GRIK1: variants seen among roughly 807,000 people sequenced by gnomAD.
GRIK1 encodes glutamate receptor ionotropic, kainate 1.
Under a neutral mutation model 105.7 loss-of-function variants are expected in GRIK1, and 69 were observed. The ratio of observed to expected loss-of-function variants is 0.65; its 90% CI spans 0.54 to 0.80. The LOEUF (loss-of-function observed/expected upper bound fraction) is 0.80. Ranked by LOEUF, GRIK1 falls within the 30% of genes least tolerant of loss-of-function variation. The pLI, the probability that GRIK1 is intolerant of heterozygous loss-of-function variation, is 0.00. For synonymous variants in GRIK1, 438 were observed against 431.3 expected (o/e 1.02, Z -0.19); for missense variants, 1,109 against 1,167.3 (o/e 0.95, Z 0.73).
chr21:29,597,847 C>A (rs1011945107), intron 8 of GRIK1, among the ~76,000 whole-genome samples: 3 of 151,658 alleles, frequency 2.0e-5, no homozygotes, highest in African/African-American at 7.3e-5. Context: ...GTAGTTAGCA[C>A]CTGCAAAAAA....
intron 1 of GRIK1, among the ~76,000 whole-genome samples, chr21:29,926,988 C>T (rs1191967551): frequency 6.6e-6 from 1 of 151,944 alleles, no homozygotes; most frequent in Non-Finnish European, 1.5e-5. Context: ...TCAATCTGAC[C>T]GAGAGGAATA....
chr21:29,866,634 A>G (rs989718472), intron 1 of GRIK1, among the ~76,000 whole-genome samples: 55 of 152,224 alleles, frequency 3.6e-4, no homozygotes, highest in Admixed American at 3.3e-3. Flanking sequence ...TGAAAACAAA[A>G]GAAGTGGGGA....
intron 1 of GRIK1, among the ~76,000 whole-genome samples, chr21:29,868,385 T>G (rs1344213035): frequency 6.6e-6 from 1 of 152,150 alleles, no homozygotes; most frequent in Non-Finnish European, 1.5e-5. Flanking sequence ...CAAACAAACC[T>G]CTGTCTTTTC....
intron 7 of GRIK1, among the ~76,000 whole-genome samples, chr21:29,623,292 AC>A (rs1234239747): frequency 6.6e-6 from 1 of 152,092 alleles, no homozygotes; most frequent in East Asian, 1.9e-4. Flanking sequence ...CATGGGAAAG[AC>A]CCACCCTCAT....
chr21:29,550,086 C>A (rs1443795671), intron 16 of GRIK1, among the ~76,000 whole-genome samples: 2 of 109,504 alleles, frequency 1.8e-5, no homozygotes, highest in African/African-American at 6.9e-5. Flanking sequence ...CCAGCCTGGG[C>A]GACAGAGAAA....
At chr21:29,827,706 G>C (rs11909420) in intron 1 of GRIK1, among the ~76,000 whole-genome samples, 16,924 of 152,092 alleles carry the variant, frequency 0.11, 1,010 homozygotes, top group Admixed American at 0.16. Context: ...TAGAAAGGGG[G>C]AATGAAAGAA....
intron 1 of GRIK1, among the ~76,000 whole-genome samples, chr21:29,865,553 A>G (rs1433804745): frequency 6.6e-6 from 1 of 152,182 alleles, no homozygotes; most frequent in East Asian, 1.9e-4. Context: ...AATGAAGACA[A>G]GCAGATTTCA....
At chr21:29,620,846 A>G (rs1174692048) in intron 7 of GRIK1, among the ~76,000 whole-genome samples, 10 of 144,880 alleles carry the variant, frequency 6.9e-5, no homozygotes, top group African/African-American at 1.0e-4. Flanking sequence ...GTCATAAAAT[A>G]TATATCATAT....
intron 7 of GRIK1, among the ~76,000 whole-genome samples, chr21:29,633,807 A>G (rs1054747890): frequency 7.9e-5 from 12 of 152,176 alleles, no homozygotes; most frequent in African/African-American, 2.9e-4. Flanking sequence ...CTAGCTAGGG[A>G]TGCTGAAGAA....
chr21:29,660,086 C>G (rs764364199), intron 4 of GRIK1, among the ~76,000 whole-genome samples: 1 of 152,228 alleles, frequency 6.6e-6, no homozygotes, highest in Admixed American at 6.5e-5. Context: ...TCCTGGGACA[C>G]AGTCATTGCT....
chr21:29,900,506 T>TA (rs2070360119), intron 1 of GRIK1, among the ~76,000 whole-genome samples: 1 of 138,236 alleles, frequency 7.2e-6, no homozygotes, highest in African/African-American at 2.8e-5. Flanking sequence ...TGGTCTCTGA[T>TA]AAAACAGACT....
At chr21:29,639,407 G>C (rs2062464007) in intron 7 of GRIK1, among the ~76,000 whole-genome samples, 1 of 152,204 alleles carries the variant, frequency 6.6e-6, no homozygotes, top group Admixed American at 6.5e-5. Context: ...GCCTACATCT[G>C]TGAGTCAGGG....
At chr21:29,774,208 A>C (rs2065885082) in intron 1 of GRIK1, among the ~76,000 whole-genome samples, 1 of 152,198 alleles carries the variant, frequency 6.6e-6, no homozygotes. Context: ...AACAGAAAGC[A>C]CTTTTGTCCC....
At chr21:29,867,817 A>AAAGC (rs1291259189) in intron 1 of GRIK1, among the ~76,000 whole-genome samples, 1 of 150,412 alleles carries the variant, frequency 6.6e-6, no homozygotes, top group Non-Finnish European at 1.5e-5. Context: ...AGAAAGAAAG[A>AAAGC]ATGAAAGAAA....
In GRIK1 at chr21:29,537,193, A is replaced by C. The variant is rs1350171278; in HGVS notation, c.*37T>G. 16 of 1,480,928 alleles carry C rather than the reference A, an allele frequency of 1.1e-5. No homozygotes were observed. Among genetic ancestry groups the C allele is most frequent in the African/African-American group, 1.4e-5 (1 of 70,134 alleles). 91.7% of individuals were successfully genotyped at this position (1,480,928 alleles called of 1,614,324 possible). A position where few individuals can be genotyped will look rare whatever the true frequency, so the allele number is the denominator to read the frequency against. On this transcript the variant is annotated 3_prime_UTR_variant, in exon 18 of 18. Coordinates refer to ENST00000327783, the MANE Select transcript of GRIK1 (RefSeq NM_001330994.2). ...ATCCTTTCTCCAAAAATCTGTAGGGAATGCATCCTTTTTCTTCCTACAGGC... is the reference window on the plus strand; with the variant it reads ...ATCCTTTCTCCAAAAATCTGTAGGGCATGCATCCTTTTTCTTCCTACAGGC...
chr21:29,791,902 A>G (rs2066429023), intron 1 of GRIK1, among the ~76,000 whole-genome samples: 1 of 152,242 alleles, frequency 6.6e-6, no homozygotes, highest in South Asian at 2.1e-4. Flanking sequence ...TACTATAAAT[A>G]TAACAAATAT....
At chr21:29,737,223 G>T in intron 1 of GRIK1, among the ~76,000 whole-genome samples, 1 of 152,158 alleles carries the variant, frequency 6.6e-6, no homozygotes, top group Admixed American at 6.5e-5. Context: ...CGAGACTCTG[G>T]CCTGGGCAGT....
intron 1 of GRIK1, among the ~76,000 whole-genome samples, chr21:29,785,990 G>C (rs1322607044): frequency 1.3e-5 from 2 of 152,156 alleles, no homozygotes; most frequent in Non-Finnish European, 2.9e-5. Flanking sequence ...TCCTCTGTGT[G>C]TTTTGGTGTT....
chr21:29,855,037 G>T (rs1333955763), intron 1 of GRIK1, among the ~76,000 whole-genome samples: 1 of 152,184 alleles, frequency 6.6e-6, no homozygotes, highest in African/African-American at 2.4e-5. Flanking sequence ...TTGCAAACCA[G>T]GGCATGAGCT....
Sources: allele counts gnomAD v4.1 joint callset (sites outside exome capture counted in the v4.1 genomes callset), GRCh38; gene constraint gnomAD v4.1.1; transcripts MANE v1.5; gene names NCBI Gene and HGNC (gene_info 2026-07-23, HGNC 2026-07-21).